BMERB1: variants seen among roughly 807,000 people sequenced by gnomAD.
The protein encoded by BMERB1 is bMERB domain-containing protein 1.
A neutral mutation model predicts 23.6 loss-of-function variants in BMERB1; 12 were observed. That is an observed-to-expected ratio of 0.51 (90% CI 0.33 to 0.82). The LOEUF is 0.82. BMERB1 is among the 40% of genes least tolerant of loss of function. The pLI, the probability that BMERB1 is intolerant of heterozygous loss-of-function variation, is 0.03. For synonymous variants in BMERB1, 122 were observed against 96.6 expected, an observed-to-expected ratio of 1.26 and a Z score of -1.54; for missense variants, 247 against 255.4, an observed-to-expected ratio of 0.97 and a Z score of 0.22.
At chr16:15,497,595 T>C (rs1487832607) in intron 1 of BMERB1, among the ~76,000 whole-genome samples, 1 of 152,212 alleles carries the variant, frequency 6.6e-6, no homozygotes, top group Non-Finnish European at 1.5e-5. Flanking sequence ...CTATAATAAA[T>C]GTGTGTTGTT....
chr16:15,543,535 T>C (rs990763857), intron 2 of BMERB1, among the ~76,000 whole-genome samples: 2 of 151,886 alleles, frequency 1.3e-5, no homozygotes, highest in Non-Finnish European at 2.9e-5. Flanking sequence ...TTAGAAAAAT[T>C]TCAGGCTGGG....
chr16:15,536,305 C>G (rs1382258394), intron 2 of BMERB1, among the ~76,000 whole-genome samples: 1 of 151,992 alleles, frequency 6.6e-6, no homozygotes, highest in Non-Finnish European at 1.5e-5. Flanking sequence ...CAACAGCAGC[C>G]CCCCCGCCTC....
At chr16:15,483,632 G>A (rs1483460815) in intron 1 of BMERB1, among the ~76,000 whole-genome samples, 9 of 152,040 alleles carry the variant, frequency 5.9e-5, no homozygotes, top group African/African-American at 1.9e-4. Flanking sequence ...CACTCGCCTC[G>A]GCCTCCCAAA....
chr16:15,555,339 T>G (rs1012347433), intron 2 of BMERB1, among the ~76,000 whole-genome samples: 4 of 152,172 alleles, frequency 2.6e-5, no homozygotes, highest in Non-Finnish European at 5.9e-5. Context: ...CTCAAAGTAC[T>G]GGGATTACAG....
intron 1 of BMERB1, among the ~76,000 whole-genome samples, chr16:15,508,339 A>G (rs1180832570): frequency 6.6e-6 from 1 of 152,178 alleles, no homozygotes; most frequent in Non-Finnish European, 1.5e-5. Flanking sequence ...AGAGCCAGGT[A>G]GTGAATATTT....
intron 1 of BMERB1, among the ~76,000 whole-genome samples, chr16:15,479,623 C>T (rs1004264065): frequency 4.6e-5 from 7 of 151,874 alleles, no homozygotes; most frequent in East Asian, 1.9e-4. Flanking sequence ...TAAAACAGAC[C>T]GAACATAGAA....
chr16:15,468,621 G>T (rs953157223), intron 1 of BMERB1, among the ~76,000 whole-genome samples: 1 of 152,046 alleles, frequency 6.6e-6, no homozygotes, highest in Non-Finnish European at 1.5e-5. Context: ...ATGGTTGGGG[G>T]GCCTTAGAAT....
chr16:15,493,156 C>G (rs1360047969), intron 1 of BMERB1, among the ~76,000 whole-genome samples: 1 of 152,080 alleles, frequency 6.6e-6, no homozygotes, highest in African/African-American at 2.4e-5. Flanking sequence ...AGTTCAAGAC[C>G]AGCCTGACCA....
At chr16:15,488,120 G>A (rs147601201) in intron 1 of BMERB1, among the ~76,000 whole-genome samples, 11 of 152,202 alleles carry the variant, frequency 7.2e-5, no homozygotes, top group African/African-American at 2.4e-4. Flanking sequence ...TGGTTCAAAC[G>A]CTTCTGACAG....
chr16:15,561,639 T>C (rs2030425018), intron 2 of BMERB1, among the ~76,000 whole-genome samples: 1 of 152,108 alleles, frequency 6.6e-6, no homozygotes, highest in Non-Finnish European at 1.5e-5. Context: ...ATGCCTGTAA[T>C]CCCAGTGCTT....
At chr16:15,455,375 G>T (rs576401149) in intron 1 of BMERB1, among the ~76,000 whole-genome samples, 356 of 151,690 alleles carry the variant, frequency 2.3e-3, no homozygotes, top group African/African-American at 6.4e-3. Context: ...CAGTGTGTTG[G>T]GTATGACAAC....
intron 1 of BMERB1, among the ~76,000 whole-genome samples, chr16:15,438,374 A>AC (rs1438083618): frequency 2.6e-5 from 4 of 151,944 alleles, no homozygotes; most frequent in African/African-American, 9.7e-5. Flanking sequence ...GGCATGAGCC[A>AC]CCACACCTGG....
Position 15,587,725 on chromosome 16 carries a change from A to C in BMERB1, c.*896A>C, listed in dbSNP as rs2031187790. 1 of 289,626 alleles carries C rather than the reference A, an allele frequency of 3.5e-6. No homozygotes were observed. The allele number at this position is 289,626 out of a possible 1,614,324, so 17.9% of individuals were successfully genotyped here. A position where few individuals can be genotyped will look rare whatever the true frequency, so the allele number is the denominator to read the frequency against. ...ACCTTTGTAAAGAACAGCAACAGGC[A>C]GGAGAGGCAGCGTGTGACCAGATTG... On this transcript the variant is annotated 3_prime_UTR_variant, in exon 6 of 6. Transcript: ENST00000300006.
chr16:15,486,413 CA>C (rs2051369152), intron 1 of BMERB1, among the ~76,000 whole-genome samples: 1 of 152,196 alleles, frequency 6.6e-6, no homozygotes, highest in African/African-American at 2.4e-5. Context: ...TCCCTCCCAC[CA>C]CCTCTACCTC....
chr16:15,458,710 G>A (rs1321055882), intron 1 of BMERB1, among the ~76,000 whole-genome samples: 4 of 144,362 alleles, frequency 2.8e-5, no homozygotes, highest in Middle Eastern at 3.7e-3. Context: ...AAGTGAGACC[G>A]TGTGTCCAAA....
At chr16:15,562,091 T>A (rs1403686205) in intron 2 of BMERB1, among the ~76,000 whole-genome samples, 2 of 151,724 alleles carry the variant, frequency 1.3e-5, no homozygotes, top group African/African-American at 4.8e-5. Flanking sequence ...GTGGATCACC[T>A]GAGATCAGGT....
intron 2 of BMERB1, among the ~76,000 whole-genome samples, chr16:15,515,713 C>T (rs1172889772): frequency 6.6e-6 from 1 of 152,112 alleles, no homozygotes; most frequent in East Asian, 1.9e-4. Flanking sequence ...AATGCAGAGG[C>T]TGTACCCTGT....
At chr16:15,515,053 G>T (rs954384141) in intron 1 of BMERB1, among the ~76,000 whole-genome samples, 3 of 152,208 alleles carry the variant, frequency 2.0e-5, no homozygotes, top group African/African-American at 7.2e-5. Context: ...CCGCACTCCA[G>T]CCTGGGCGAC....
chr16:15,464,186 G>A (rs751951763), intron 1 of BMERB1, among the ~76,000 whole-genome samples: 10 of 151,920 alleles, frequency 6.6e-5, no homozygotes, highest in Non-Finnish European at 1.3e-4. Flanking sequence ...GGTGGTGGGC[G>A]ACTGTAATCT....
Sources: gnomAD v4.1 joint callset for allele counts (sites outside exome capture counted in the v4.1 genomes callset) on GRCh38, gnomAD v4.1.1 for gene constraint, MANE v1.5 for transcripts, NCBI Gene and HGNC (gene_info 2026-07-23, HGNC 2026-07-21) for gene names.